ZNF790: variants seen among roughly 807,000 people sequenced by gnomAD.
ZNF790 encodes zinc finger protein 790.
In ZNF790, 8 loss-of-function variants were observed where a neutral mutation model predicts 12.1. That is an observed-to-expected ratio of 0.66 (90% CI 0.39 to 1.19). The LOEUF (loss-of-function observed/expected upper bound fraction) is 1.19, where lower values mean the gene tolerates loss of function less well. ZNF790 is among the 50% of genes most tolerant of loss of function. The pLI, the probability that ZNF790 is intolerant of heterozygous loss-of-function variation, is 0.01. For synonymous variants in ZNF790, 252 were observed against 244.3 expected (o/e 1.03, Z -0.29); for missense variants, 707 against 752.2 (o/e 0.94, Z 0.70).
chr19:36,820,157 A>G (rs1473988078), intron 4 of ZNF790, 43 bp from the exon 5 acceptor site: 1 of 1,544,976 alleles, frequency 6.5e-7, no homozygotes, highest in East Asian at 2.3e-5. Context: ...TTGTATGTAC[A>G]AAAAGCAATA....
intron 1 of ZNF790, chr19:36,827,620 C>A (rs796442632): frequency 6.5e-6 from 1 of 152,706 alleles, no homozygotes; most frequent in South Asian, 1.9e-4. Context: ...CAATTGAGTT[C>A]AAATTTAATA....
At chr19:36,828,986 G>T (rs2071890651) in intron 1 of ZNF790, among the ~76,000 whole-genome samples, 1 of 152,218 alleles carries the variant, frequency 6.6e-6, no homozygotes, top group Admixed American at 6.5e-5. Context: ...CATTCCCATG[G>T]GGAGTAGACC....
At chr19:36,839,711 C>A (rs1144540), upstream of ZNF790, among the ~76,000 whole-genome samples, 39,151 of 152,070 alleles carry the variant, frequency 0.26, 5,471 homozygotes, top group Non-Finnish European at 0.32. Context: ...ATTTCTGATA[C>A]CCAGCTCCAG....
chr19:36,819,668 A>G lies in ZNF790; in HGVS notation c.676T>C (p.Tyr226His), dbSNP rs752046924. ...YQTVHTVKKT[Y>H]ECKECGKSFS... Reference sequence around the variant, plus strand: ...GACTTCCCACATTCTTTACATTCATATGTTTTCTTAACAGTGTGAACTGTC... The same window carrying G: ...GACTTCCCACATTCTTTACATTCATGTGTTTTCTTAACAGTGTGAACTGTC... Residue 226 changes from tyrosine (Y) to histidine (H), a missense_variant, in exon 5 of 5, where the codon TAT becomes CAT. By Grantham distance (83) the Tyr-to-His change is moderately conservative. Transcript: ENST00000356725. 1.9e-6 allele frequency: 3 copies of G among 1,610,682 alleles called. No individual in the cohort carries two copies. The highest frequency in any genetic ancestry group is 1.1e-5 in the South Asian group (1 of 90,868).
At chr19:36,823,873 G>A (rs1490087016) in intron 2 of ZNF790, 83 bp from the exon 3 acceptor site, 14 of 1,331,818 alleles carry the variant, frequency 1.1e-5, no homozygotes, top group African/African-American at 1.5e-5. Context: ...GGGAAAGGCT[G>A]GAAAGGGGCA....
chr19:36,823,948 A>G (rs2146029209), intron 2 of ZNF790, 158 bp from the exon 3 acceptor site: 1 of 530,138 alleles, frequency 1.9e-6, no homozygotes, highest in East Asian at 3.3e-5. Context: ...TTCAGGGGAA[A>G]TGACATGGGA....
chr19:36,832,330 CTG>C (rs1271022420), intron 1 of ZNF790, among the ~76,000 whole-genome samples: 1 of 152,198 alleles, frequency 6.6e-6, no homozygotes, highest in African/African-American at 2.4e-5. Context: ...ATTCACAACA[CTG>C]TGTAGCTGCC....
intron 1 of ZNF790, among the ~76,000 whole-genome samples, chr19:36,849,222 C>A (rs1285266029): frequency 6.6e-6 from 1 of 152,114 alleles, no homozygotes; most frequent in African/African-American, 2.4e-5. Flanking sequence ...CCACCATGCC[C>A]GGCCCTTCCT....
chr19:36,822,132 C>T (rs1322582989), intron 4 of ZNF790, among the ~76,000 whole-genome samples: 1 of 151,764 alleles, frequency 6.6e-6, no homozygotes, highest in Non-Finnish European at 1.5e-5. Flanking sequence ...TCTTTTAAAC[C>T]TAAAATAAGA....
chr19:36,841,595 G>C (rs1274949558), upstream of ZNF790, among the ~76,000 whole-genome samples: 1 of 151,818 alleles, frequency 6.6e-6, no homozygotes, highest in African/African-American at 2.4e-5. Context: ...ACTCCAGCCT[G>C]GGCAACAGAG....
At chr19:36,847,247 G>A (rs1267193919) in intron 1 of ZNF790, among the ~76,000 whole-genome samples, 6 of 151,886 alleles carry the variant, frequency 4.0e-5, no homozygotes, top group South Asian at 4.2e-4. Flanking sequence ...CCAGCTACTC[G>A]GGAGGCTGAG....
At chr19:36,832,774 T>C (rs978799574) in intron 1 of ZNF790, among the ~76,000 whole-genome samples, 1 of 152,150 alleles carries the variant, frequency 6.6e-6, no homozygotes, top group Non-Finnish European at 1.5e-5. Context: ...ATAACTAATA[T>C]AGAAATGAAG....
Position 36,818,471 on chromosome 19 carries a change from C to G in ZNF790, c.1873G>C (p.Ala625Pro), listed in dbSNP as rs2146001248. The change falls in exon 5 of 5, where the codon GCA becomes CCA. Residue 625 changes from alanine to proline, a missense_variant. Physicochemically the swap from Ala to Pro is conservative, Grantham distance 27 (BLOSUM62 -1). Transcript: ENST00000356725. ...ATGAAGTGAGAGCTTGAAGAAAATG[C>G]TTTCTCAAAATCTTTAAATTCATAG... ...KSYEFKDFEK[A>P]FSSSSHFISL... 1 of 1,566,162 alleles carries G rather than the reference C, an allele frequency of 6.4e-7. No individual in the cohort carries two copies. Among genetic ancestry groups the G allele is most frequent in the Middle Eastern group, 1.7e-4 (1 of 5,860 alleles).
intron 1 of ZNF790, among the ~76,000 whole-genome samples, chr19:36,828,674 G>A (rs1027188940): frequency 2.0e-5 from 3 of 152,056 alleles, no homozygotes; most frequent in African/African-American, 4.8e-5. Context: ...GACGGGGTCC[G>A]CTATGTTGCC....
At chr19:36,833,120 A>G (rs113461684) in intron 1 of ZNF790, among the ~76,000 whole-genome samples, 1 of 152,138 alleles carries the variant, frequency 6.6e-6, no homozygotes, top group East Asian at 1.9e-4. Flanking sequence ...ATCTAACAAT[A>G]TATGTAACAT....
At chr19:36,824,013 T>TTTTTTTA (rs953562825) in intron 2 of ZNF790, among the ~76,000 whole-genome samples, 7 of 146,558 alleles carry the variant, frequency 4.8e-5, no homozygotes, top group East Asian at 2.0e-4. Flanking sequence ...TTTTTTTTTT[T>TTTTTTTA]GAGACAAGAG....
chr19:36,826,757 A>G (rs988922654), intron 1 of ZNF790, among the ~76,000 whole-genome samples: 6 of 151,016 alleles, frequency 4.0e-5, no homozygotes, highest in African/African-American at 1.5e-4. Flanking sequence ...GTAAGCAGCA[A>G]TTACAATACT....
upstream of ZNF790, among the ~76,000 whole-genome samples, chr19:36,842,186 A>G (rs186419276): frequency 3.9e-5 from 6 of 152,352 alleles, no homozygotes; most frequent in Middle Eastern, 3.4e-3. Context: ...GGAGAAAGAC[A>G]TGGGATAGAT....
intron 4 of ZNF790, 37 bp from the exon 5 acceptor site, chr19:36,820,151 A>G (rs775892188): frequency 4.5e-6 from 7 of 1,560,574 alleles, no homozygotes; most frequent in Non-Finnish European, 5.2e-6. Context: ...ATACGGTTGT[A>G]TGTACAAAAA....
Sources: gnomAD v4.1 joint callset for allele counts (sites outside exome capture counted in the v4.1 genomes callset) on GRCh38, gnomAD v4.1.1 for gene constraint, MANE v1.5 for transcripts, NCBI Gene and HGNC (gene_info 2026-07-23, HGNC 2026-07-21) for gene names.